The following KIAA1217 variants were observed in gnomAD, a reference collection of about 807,000 sequenced individuals.
KIAA1217 encodes the protein sickle tail protein homolog.
KIAA1217 carries 88 observed loss-of-function variants against 163.9 expected under a neutral mutation model. That is an observed-to-expected ratio of 0.54 (90% CI 0.45 to 0.64). The LOEUF is 0.64. Among genes scored for constraint, KIAA1217 ranks in the 30% least tolerant of loss-of-function variants. KIAA1217 has a pLI of 0.00. For missense variants in KIAA1217, 2,372 were observed against 2,475.0 expected, an observed-to-expected ratio of 0.96 and a Z score of 0.88; for synonymous variants, 903 against 923.1, an observed-to-expected ratio of 0.98 and a Z score of 0.39.
At chr10:23,984,761 A>C (rs1372959540) in intron 1 of KIAA1217, among the ~76,000 whole-genome samples, 2 of 145,762 alleles carry the variant, frequency 1.4e-5, no homozygotes, top group African/African-American at 5.0e-5. Flanking sequence ...GGGGCCTGTC[A>C]GGGGTTGGGG....
rs77818290 is a variant in KIAA1217, at chr10:23,838,207, T to C, written c.-321+142973T>C. On this transcript the variant is annotated intron_variant, in intron 1 of 18. Transcript: ENST00000376462. The stretch of plus-strand genomic sequence containing the variant: ...TATCTTTGCGTGTTTCTCTGCTTAC[T>C]TAAGCTAAATTCCTAGAAGTGTAGT... Among the ~76,000 whole-genome samples the C allele has an allele frequency of 4.7e-3, 711 of 152,348 alleles. 3 individuals are homozygous for C. The highest frequency in any genetic ancestry group is 7.1e-3 in the Non-Finnish European group (485 of 68,032).
At chr10:24,324,716 TC>T (rs2044643497) in intron 2 of KIAA1217, among the ~76,000 whole-genome samples, 1 of 152,230 alleles carries the variant, frequency 6.6e-6, no homozygotes, top group Non-Finnish European at 1.5e-5. Flanking sequence ...TCCTGCTTTT[TC>T]AGGGATCTTT....
rs184974913 is a variant in KIAA1217, at chr10:23,737,086, C to T, written c.-321+41852C>T. 2.6e-5 allele frequency among the ~76,000 whole-genome samples: 4 copies of T among 152,228 alleles called. No homozygotes were observed. The East Asian group carries it at 7.7e-4, about 29-fold the overall frequency. ...TCCCTTTATTTGAATCTTTAATGTC[C>T]TTCAAAAGACTCTTATAATTTTATT... On this transcript the variant is annotated intron_variant, in intron 1 of 18. Transcript: ENST00000376462.
intron 2 of KIAA1217, among the ~76,000 whole-genome samples, chr10:24,222,922 A>C (rs1003087333): frequency 6.6e-6 from 1 of 152,220 alleles, no homozygotes; most frequent in Non-Finnish European, 1.5e-5. Flanking sequence ...ATGCTAAACA[A>C]GGGGTGGATT....
At chr10:24,484,630 G>T (rs1338498236) in intron 6 of KIAA1217, among the ~76,000 whole-genome samples, 1 of 151,968 alleles carries the variant, frequency 6.6e-6, no homozygotes, top group Non-Finnish European at 1.5e-5. Context: ...TGCAATCATA[G>T]CTCACTGCAG....
At position 24,092,927 on chromosome 10, in the gene KIAA1217, G is replaced by T. The variant is rs547519274; in HGVS notation, c.-171+85553G>T. 4.7e-3 allele frequency among the ~76,000 whole-genome samples: 549 copies of T among 117,552 alleles called. 6 individuals are homozygous for T. Among genetic ancestry groups the T allele is most frequent in the African/African-American group, 0.029 (500 of 17,538 alleles). The allele number at this position is 117,552 out of a possible 152,430, so 77.1% of individuals were successfully genotyped here. A position where few individuals can be genotyped will look rare whatever the true frequency, so the allele number is the denominator to read the frequency against. On this transcript the variant is annotated intron_variant, in intron 2 of 18. Coordinates refer to the KIAA1217 transcript ENST00000376462. ...ATAGTGTGTGTGTGTGTGTGTGTGT[G>T]TTGTGTGTGTGTGTGTGTGTGTGTG... is the stretch of plus-strand genomic sequence containing the variant.
At chr10:24,500,346 CGT>C (rs1264097112) in intron 8 of KIAA1217, among the ~76,000 whole-genome samples, 1 of 119,400 alleles carries the variant, frequency 8.4e-6, no homozygotes, top group Non-Finnish European at 1.7e-5. Flanking sequence ...TGTGTGTGTG[CGT>C]GTCTTTATTA....
chr10:23,942,300 GA>G lies in KIAA1217; in HGVS notation c.-320-64921del, dbSNP rs548928396. On this transcript the variant is annotated intron_variant, in intron 1 of 18. Transcript: ENST00000376462. ...TATAAATATATTTAAGAATGTAATG[GA>G]AAAGGTGGTAATAATGAGTGAACAA... is the stretch of plus-strand genomic sequence containing the variant. Among the ~76,000 whole-genome samples, 217 of 152,224 alleles carry G rather than the reference GA, an allele frequency of 1.4e-3. 2 individuals carry two copies. Among genetic ancestry groups the G allele is most frequent in the African/African-American group, 4.8e-3 (201 of 41,546 alleles).
chr10:23,844,324 G>C (rs1838923005), intron 1 of KIAA1217, among the ~76,000 whole-genome samples: 1 of 151,844 alleles, frequency 6.6e-6, no homozygotes, highest in African/African-American at 2.4e-5. Flanking sequence ...TATTTTCATT[G>C]TTCTGGGGTT....
In KIAA1217 at chr10:23,956,887, C is replaced by T. The variant is rs1844587300; in HGVS notation, c.-320-50338C>T. 1.3e-5 allele frequency among the ~76,000 whole-genome samples: 2 copies of T among 152,158 alleles called. 1 individual carries two copies. Among genetic ancestry groups the T allele is most frequent in the Admixed American group, 1.3e-4 (2 of 15,284 alleles). On this transcript the variant is annotated intron_variant, in intron 1 of 18. Coordinates refer to the KIAA1217 transcript ENST00000376462. ...CATTCATGAAGGATCCATCCCCATC[C>T]CCAAATACCTCCCACCAGTCTCCAC...
intron 1 of KIAA1217, among the ~76,000 whole-genome samples, chr10:23,856,798 G>A (rs1003138287): frequency 7.2e-5 from 11 of 152,246 alleles, no homozygotes; most frequent in South Asian, 4.1e-4. Flanking sequence ...TTCTGTGGGC[G>A]TAGGACACTG....
chr10:24,195,079 T>C (rs192591350), intron 2 of KIAA1217, among the ~76,000 whole-genome samples: 257 of 152,206 alleles, frequency 1.7e-3, no homozygotes, highest in African/African-American at 5.9e-3. Context: ...GGCTGTATTC[T>C]TCCAGGGAAG....
intron 13 of KIAA1217, among the ~76,000 whole-genome samples, chr10:24,527,476 A>C (rs1436455243): frequency 6.8e-6 from 1 of 147,510 alleles, no homozygotes; most frequent in African/African-American, 2.5e-5. Flanking sequence ...AGCCTGGGCA[A>C]CGTAACAGAA....
upstream of KIAA1217, chr10:24,209,135 T>A: frequency 6.4e-7 from 1 of 1,551,558 alleles, no homozygotes; most frequent in Non-Finnish European, 8.9e-7. Flanking sequence ...TCTGGGAGCT[T>A]TTAGAACTGC....
intron 17 of KIAA1217, among the ~76,000 whole-genome samples, chr10:24,541,466 T>C (rs1254045108): frequency 6.6e-6 from 1 of 152,156 alleles, no homozygotes; most frequent in African/African-American, 2.4e-5. Context: ...AGTCTTTCCA[T>C]TCTTAAGTAA....
At chr10:23,892,047 T>C (rs1292149409) in intron 1 of KIAA1217, among the ~76,000 whole-genome samples, 1 of 151,912 alleles carries the variant, frequency 6.6e-6, no homozygotes, top group African/African-American at 2.4e-5. Flanking sequence ...TACATATATA[T>C]TTACAGATAA....
At chr10:23,904,849 A>T (rs1589048558) in intron 1 of KIAA1217, among the ~76,000 whole-genome samples, 1 of 152,186 alleles carries the variant, frequency 6.6e-6, no homozygotes, top group East Asian at 1.9e-4. Flanking sequence ...AAAATCTTTT[A>T]TTCTTGTTTT....
At chr10:23,817,972 T>C (rs1426425781) in intron 1 of KIAA1217, among the ~76,000 whole-genome samples, 6 of 64,008 alleles carry the variant, frequency 9.4e-5, no homozygotes, top group African/African-American at 4.4e-4. Context: ...CATATATATA[T>C]ATATATATAT....
At chr10:24,131,193 G>C (rs944130369) in intron 2 of KIAA1217, among the ~76,000 whole-genome samples, 3 of 152,080 alleles carry the variant, frequency 2.0e-5, no homozygotes, top group Non-Finnish European at 2.9e-5. Context: ...AAACTCTTCA[G>C]ACCTAGGATT....
Sources: gnomAD v4.1 joint callset for allele counts (sites outside exome capture counted in the v4.1 genomes callset) on GRCh38, gnomAD v4.1.1 for gene constraint, MANE v1.5 for transcripts, NCBI Gene and HGNC (gene_info 2026-07-23, HGNC 2026-07-21) for gene names.